Variants in L3MBTL2 observed in about 807,000 individuals in gnomAD.
The protein encoded by L3MBTL2 is L3MBTL histone methyl-lysine binding protein 2.
A neutral mutation model predicts 86.4 loss-of-function variants in L3MBTL2; 49 were observed. The observed-to-expected ratio is 0.57, with a 90% CI of 0.45 to 0.72. The LOEUF is 0.72. Among genes scored for constraint, L3MBTL2 ranks in the 30% least tolerant of loss-of-function variants. The pLI, the probability that L3MBTL2 is intolerant of heterozygous loss-of-function variation, is 0.00. For synonymous variants in L3MBTL2, 336 were observed against 350.6 expected (o/e 0.96, Z 0.47); for missense variants, 755 against 923.7 (o/e 0.82, Z 2.37).
At chr22:41,215,371 A>G (rs1464406112) in intron 3 of L3MBTL2, among the ~76,000 whole-genome samples, 1 of 152,234 alleles carries the variant, frequency 6.6e-6, no homozygotes, top group East Asian at 1.9e-4. Flanking sequence ...TGATTTTTAA[A>G]AAAATTCCTT....
rs2031754952 is a variant in L3MBTL2, at chr22:41,220,777, C to T, written c.762C>T (p.Ala254=). ...GGTATGAAGGCTTTGAAAATGACGC[C>T]AGCCATGACTTCTGGTGCAACCTGG... ...LLRYEGFEND[A]SHDFWCNLGT... The change falls in exon 7 of 17, where the codon GCC becomes GCT. Residue 254 remains alanine, a synonymous_variant. Coordinates refer to ENST00000216237, the MANE Select transcript of L3MBTL2 (RefSeq NM_031488.5). The T allele has an allele frequency of 1.2e-6, 2 of 1,613,938 alleles. No homozygotes were observed. Among genetic ancestry groups the T allele is most frequent in the Non-Finnish European group, 1.7e-6 (2 of 1,179,930 alleles).
intron 12 of L3MBTL2, 63 bp downstream of exon 12, chr22:41,226,004 C>A (rs573402565): frequency 2.0e-6 from 3 of 1,531,202 alleles, no homozygotes; most frequent in Non-Finnish European, 2.7e-6. Context: ...TGTCCAGGCG[C>A]GGTGGCTCCC....
rs1293438850 is a variant in L3MBTL2, at chr22:41,224,147, A to T, written c.1070A>T (p.Tyr357Phe). ...TVIGGRLRLL[Y>F]EDGDSDDDFW... is the part of the protein sequence containing the mutation. The stretch of plus-strand genomic sequence containing the variant: ...ATCGGGGGTCGCCTACGGCTCCTCT[A>T]CGAGGATGGTGACAGTGACGACGAC... The change falls in exon 9 of 17, where the codon TAC (tyrosine) becomes TTC (phenylalanine). Residue 357 changes from tyrosine (Y) to phenylalanine (F), a missense_variant. Transcript: ENST00000216237. This position sits in a 1 kb window ranked among gnomAD's most constrained non-coding sequence, Gnocchi z 4.9. 6.2e-7 allele frequency: 1 copy of T among 1,614,034 alleles called. No individual in the cohort carries two copies. The highest frequency in any genetic ancestry group is 8.5e-7 in the Non-Finnish European group (1 of 1,180,000).
Position 41,213,808 on chromosome 22 carries a change from G to T in L3MBTL2, c.263-85G>T, listed in dbSNP as rs192286429. 84 of 1,483,736 alleles carry T rather than the reference G, an allele frequency of 5.7e-5. No homozygotes were observed. In the East Asian group the frequency reaches 1.7e-3, roughly 30 times the overall value. 91.9% of individuals were successfully genotyped at this position (1,483,736 alleles called of 1,614,324 possible). Reference sequence around the variant, plus strand: ...GGCAGGGGCTCACCTGGTTAATGCAGTGCCCCAGGTTTTGAAGGGCCCATC... The same window carrying T: ...GGCAGGGGCTCACCTGGTTAATGCATTGCCCCAGGTTTTGAAGGGCCCATC... On this transcript the variant is annotated intron_variant, in intron 2 of 16. Transcript: ENST00000216237.
chr22:41,210,049 GATTTC>G, intron 2 of L3MBTL2, 116 bp downstream of exon 2: 1 of 1,364,644 alleles, frequency 7.3e-7, no homozygotes, highest in South Asian at 1.4e-5. Context: ...TATTAACTCT[GATTTC>G]TAAGGGATCA....
chr22:41,225,968 T>G lies in L3MBTL2; in HGVS notation c.1504+27T>G, dbSNP rs777805863. 30 of 1,610,630 alleles carry G rather than the reference T, an allele frequency of 1.9e-5. No homozygotes were observed. The highest frequency in any genetic ancestry group is 2.4e-5 in the Non-Finnish European group (28 of 1,178,674). ...TAAGACTAGAGAGGCCACCACCTGC[T>G]GTCCTTGCCATCAGAAGGGGCAGGG... On this transcript the variant is annotated intron_variant, in intron 12 of 16. Transcript: ENST00000216237. The surrounding 1 kb of genome is among the most constrained non-coding windows in gnomAD (Gnocchi z 4.1).
intron 5 of L3MBTL2, chr22:41,218,597 G>A (rs2031572677): frequency 6.6e-6 from 1 of 152,236 alleles, no homozygotes; most frequent in South Asian, 2.1e-4. Context: ...AAACAGTCCA[G>A]TGCTGTCCTG....
chr22:41,220,659 GAAAAAAA>G (rs397867987), intron 6 of L3MBTL2, 68 bp from the exon 7 acceptor site: 6 of 1,280,614 alleles, frequency 4.7e-6, no homozygotes, highest in African/African-American at 1.7e-5. Context: ...CTTCGTCTCA[GAAAAAAA>G]AAAAAAAAAC....
Position 41,227,958 on chromosome 22 carries a change from G to A in L3MBTL2, c.1888+89G>A. ...GGAGCAGGCGGGGGTCAGCCCCCAG[G>A]CACTGGTTCCCAGGTGCTGTCCTAC... is the stretch of plus-strand genomic sequence containing the variant. On this transcript the variant is annotated intron_variant, in intron 15 of 16. Coordinates refer to ENST00000216237, the MANE Select transcript of L3MBTL2 (RefSeq NM_031488.5). The surrounding 1 kb of genome is among the most constrained non-coding windows in gnomAD (Gnocchi z 6.0). 6.5e-7 allele frequency: 1 copy of A among 1,541,866 alleles called. No homozygotes were observed. Among genetic ancestry groups the A allele is most frequent in the Non-Finnish European group, 8.7e-7 (1 of 1,144,012 alleles).
intron 1 of L3MBTL2, among the ~76,000 whole-genome samples, chr22:41,205,599 G>A (rs2030145236): frequency 6.6e-6 from 1 of 152,136 alleles, no homozygotes; most frequent in Non-Finnish European, 1.5e-5. Flanking sequence ...AGTTCAGGGA[G>A]GAACAGCCGT....
In L3MBTL2 at chr22:41,225,302, G is replaced by A. The variant is rs184609484; in HGVS notation, c.1356+231G>A. Among the ~76,000 whole-genome samples, 121 of 152,276 alleles carry A rather than the reference G, an allele frequency of 7.9e-4. No homozygotes were observed. The highest frequency in any genetic ancestry group is 2.9e-3 in the African/African-American group (119 of 41,562). On this transcript the variant is annotated intron_variant, in intron 11 of 16. Transcript: ENST00000216237. The surrounding 1 kb of genome is among the most constrained non-coding windows in gnomAD (Gnocchi z 4.1). The stretch of plus-strand genomic sequence containing the variant: ...CTGGACGAGTGCTTATTCAACACCT[G>A]AGCCTGGTCCTGTGTCAGAGTAGGC...
In L3MBTL2 at chr22:41,229,531, T is replaced by C. The variant is rs2032430420; in HGVS notation, c.1889-9T>C. The C allele has an allele frequency of 1.2e-6, 2 of 1,605,876 alleles. No individual in the cohort carries two copies. Among genetic ancestry groups the C allele is most frequent in the South Asian group, 2.2e-5 (2 of 90,848 alleles). On this transcript the variant is annotated splice_polypyrimidine_tract_variant and intron_variant, in intron 15 of 16. Transcript: ENST00000216237. ...CTAATGCTGGGTTTGAATCCATTTT[T>C]ATTCAAAGGGAAAAGAATCCCGCCC...
chr22:41,225,675 G>T lies in L3MBTL2; in HGVS notation c.1357-119G>T. 1 of 1,051,366 alleles carries T rather than the reference G, an allele frequency of 9.5e-7. No homozygotes were observed. Among genetic ancestry groups the T allele is most frequent in the Non-Finnish European group, 1.4e-6 (1 of 736,704 alleles). The allele number at this position is 1,051,366 out of a possible 1,614,324, so 65.1% of individuals were successfully genotyped here. On this transcript the variant is annotated intron_variant, in intron 11 of 16. Coordinates refer to ENST00000216237, the MANE Select transcript of L3MBTL2 (RefSeq NM_031488.5). The surrounding 1 kb of genome is among the most constrained non-coding windows in gnomAD (Gnocchi z 4.1). Reference sequence around the variant, plus strand: ...AGAGGCTCAGGTGTCCTCCAGGAGGGCCATGCCCTAGATCCGTTTGGATCC... The same window carrying T: ...AGAGGCTCAGGTGTCCTCCAGGAGGTCCATGCCCTAGATCCGTTTGGATCC...
chr22:41,225,934 G>A lies in L3MBTL2; in HGVS notation c.1497G>A (p.Pro499=), dbSNP rs376552822. The change falls in exon 12 of 17, where the codon CCG becomes CCA. Residue 499 remains proline, a synonymous_variant. Transcript: ENST00000216237. The surrounding 1 kb of genome is among the most constrained non-coding windows in gnomAD (Gnocchi z 4.1). ...FCQKNDIELT[P]PKGYEAQTFN... The stretch of plus-strand genomic sequence containing the variant: ...AGAAGAATGACATTGAGCTCACACC[G>A]CCAAAAGGTAAGACTAGAGAGGCCA... 1.2e-5 allele frequency: 19 copies of A among 1,613,626 alleles called. No homozygotes were observed. The East Asian group carries it at 2.7e-4, about 23-fold the overall frequency.
chr22:41,209,466 C>A lies in L3MBTL2; in HGVS notation c.25-230C>A, dbSNP rs961713596. 9 of 494,450 alleles carry A rather than the reference C, an allele frequency of 1.8e-5. No individual in the cohort carries two copies. The Admixed American group carries it at 2.6e-4, about 14-fold the overall frequency. The allele number at this position is 494,450 out of a possible 1,614,324, so 30.6% of individuals were successfully genotyped here. A position where few individuals can be genotyped will look rare whatever the true frequency, so the allele number is the denominator to read the frequency against. Reference sequence around the variant, plus strand: ...TAAAATATCATCATTTGTAAATCCACAGAGGAGCCTGGTGAATTCCTAACA... The same window carrying A: ...TAAAATATCATCATTTGTAAATCCAAAGAGGAGCCTGGTGAATTCCTAACA... On this transcript the variant is annotated intron_variant, in intron 1 of 16. Coordinates refer to ENST00000216237, the MANE Select transcript of L3MBTL2 (RefSeq NM_031488.5).
intron 2 of L3MBTL2, among the ~76,000 whole-genome samples, chr22:41,211,860 T>TCC (rs2030877091): frequency 1.0e-5 from 1 of 97,096 alleles, no homozygotes; most frequent in Non-Finnish European, 2.0e-5. Flanking sequence ...CCCGGCCTTT[T>TCC]TTTTTTTTTT....
At chr22:41,228,294 G>A in intron 15 of L3MBTL2, 1 of 985,474 alleles carries the variant, frequency 1.0e-6, no homozygotes. Flanking sequence ...CTTTGAGGGT[G>A]GGAGAGGGTG....
intron 8 of L3MBTL2, among the ~76,000 whole-genome samples, chr22:41,223,105 G>T (rs1178902566): frequency 6.6e-6 from 1 of 152,160 alleles, no homozygotes; most frequent in Non-Finnish European, 1.5e-5. Flanking sequence ...ACAGGCAATT[G>T]GTGTCAGGAC....
chr22:41,207,775 G>A (rs1304509674), intron 1 of L3MBTL2, among the ~76,000 whole-genome samples: 1 of 152,026 alleles, frequency 6.6e-6, no homozygotes, highest in African/African-American at 2.4e-5. Flanking sequence ...CCAGGCTCAA[G>A]CTGTCTTCCC....
Sources: gnomAD v4.1 joint callset for allele counts (sites outside exome capture counted in the v4.1 genomes callset) on GRCh38, gnomAD v4.1.1 for gene constraint, Gnocchi (gnomAD v3.1) non-coding constraint, MANE v1.5 for transcripts, NCBI Gene and HGNC (gene_info 2026-07-23, HGNC 2026-07-21) for gene names.